Variants in TTLL4 observed in about 807,000 individuals in gnomAD.
TTLL4 encodes tubulin tyrosine ligase like 4, also known as tubulin monoglutamylase TTLL4.
TTLL4 carries 85 observed loss-of-function variants against 122.7 expected under a neutral mutation model. The observed-to-expected ratio is 0.69, with a 90% confidence interval of 0.58 to 0.83. The LOEUF (loss-of-function observed/expected upper bound fraction) is 0.83, where lower values mean the gene tolerates loss of function less well. Among genes scored for constraint, TTLL4 ranks in the 40% least tolerant of loss-of-function variants. The pLI, the probability that TTLL4 is intolerant of heterozygous loss-of-function variation, is 0.00. For missense variants in TTLL4, 1,363 were observed against 1,488.6 expected, an observed-to-expected ratio of 0.92 and a Z score of 1.39; for synonymous variants, 553 against 563.0, an observed-to-expected ratio of 0.98 and a Z score of 0.25.
intron 5 of TTLL4, among the ~76,000 whole-genome samples, chr2:218,743,489 G>A (rs1942757979): frequency 6.6e-6 from 1 of 152,120 alleles, no homozygotes; most frequent in African/African-American, 2.4e-5. Flanking sequence ...TGGCTGTTAT[G>A]AATAAAGCTG....
chr2:218,711,776 T>C (rs1253070105), intron 1 of TTLL4, among the ~76,000 whole-genome samples: 1 of 151,704 alleles, frequency 6.6e-6, no homozygotes, highest in Non-Finnish European at 1.5e-5. Context: ...AACGACATTA[T>C]TGCCATTCCT....
intron 1 of TTLL4, among the ~76,000 whole-genome samples, chr2:218,720,580 G>A (rs1425728428): frequency 3.3e-5 from 5 of 151,668 alleles, no homozygotes; most frequent in Non-Finnish European, 5.9e-5. Flanking sequence ...AGGCTGAGGC[G>A]GGAGAATTGC....
chr2:218,722,033 G>C (rs1340958464), intron 1 of TTLL4, among the ~76,000 whole-genome samples: 1 of 152,080 alleles, frequency 6.6e-6, no homozygotes, highest in African/African-American at 2.4e-5. Context: ...TGCAGTCCCA[G>C]CACTTTGGGA....
chr2:218,724,383 A>G (rs933740033), intron 1 of TTLL4, among the ~76,000 whole-genome samples: 1 of 152,156 alleles, frequency 6.6e-6, no homozygotes, highest in African/African-American at 2.4e-5. Context: ...GACTCAAGCA[A>G]ATGGACTTAC....
chr2:218,753,605 C>T lies in TTLL4; in HGVS notation c.3280C>T (p.Leu1094=). The part of the protein sequence containing the change: ...APVWSLPTSL[L]TISKDDVILN... ...TTAGTGGTCTCTCCCGACATCACTT[C>T]TGACTATCTCAAAGGATGACGTGAT... The change falls in exon 19 of 20, where the codon CTG becomes TTG. Residue 1094 remains leucine, a synonymous_variant. Transcript: ENST00000392102. 6.2e-7 allele frequency: 1 copy of T among 1,614,194 alleles called. No homozygotes were observed. The highest frequency in any genetic ancestry group is 2.2e-5 in the East Asian group (1 of 44,878).
chr2:218,754,195 A>G lies in TTLL4; in HGVS notation c.3406A>G (p.Lys1136Glu), dbSNP rs763966094. 3 of 1,614,038 alleles carry G rather than the reference A, an allele frequency of 1.9e-6. No homozygotes were observed. The highest frequency in any genetic ancestry group is 1.3e-5 in the African/African-American group (1 of 74,910). ...LSEDGTTPKS[K>E]KTQAGLSPYP... Reference sequence around the variant, plus strand: ...TGAAGACGGGACCACGCCCAAATCCAAGAAGACTCAAGCTGGCCTTTCCCC... The same window carrying G: ...TGAAGACGGGACCACGCCCAAATCCGAGAAGACTCAAGCTGGCCTTTCCCC... Residue 1136 changes from lysine to glutamate, a missense_variant, in exon 20 of 20, where the codon AAG (lysine) becomes GAG (glutamate). Physicochemically the swap from Lys to Glu is moderately conservative, Grantham distance 56. Coordinates refer to ENST00000392102, the MANE Select transcript of TTLL4 (RefSeq NM_014640.5).
intron 2 of TTLL4, among the ~76,000 whole-genome samples, chr2:218,735,363 C>G (rs543044406): frequency 7.9e-5 from 12 of 152,048 alleles, no homozygotes; most frequent in African/African-American, 2.9e-4. Context: ...GGAGTCGAGA[C>G]CAGCCTGGGC....
chr2:218,743,026 C>T (rs1942744933), intron 5 of TTLL4, among the ~76,000 whole-genome samples: 1 of 152,032 alleles, frequency 6.6e-6, no homozygotes, highest in African/African-American at 2.4e-5. Flanking sequence ...CGCCTATAAT[C>T]CCAGCTACTC....
chr2:218,738,128 A>G lies in TTLL4; in HGVS notation c.452A>G (p.Lys151Arg). ...AAAAGCCCTTTTTCTCTCCCTCAAA[A>G]GAGCCTCCCTGTCAGTCTCACTGCC... Reference protein sequence around the residue: ...SEKSPFSLPQKSLPVSLTANK... With the variant: ...SEKSPFSLPQRSLPVSLTANK... Residue 151 changes from lysine to arginine, a missense_variant, in exon 3 of 20, where the codon AAG becomes AGG. This residue lies in a region of TTLL4 where 760 missense variants were observed against 808.4 expected (regional missense o/e 0.94). Coordinates refer to ENST00000392102, the MANE Select transcript of TTLL4 (RefSeq NM_014640.5). The G allele has an allele frequency of 6.2e-7, 1 of 1,614,018 alleles. No homozygotes were observed. Among genetic ancestry groups the G allele is most frequent in the Non-Finnish European group, 8.5e-7 (1 of 1,180,000 alleles).
intron 2 of TTLL4, among the ~76,000 whole-genome samples, chr2:218,731,340 G>A (rs1333158018): frequency 6.6e-6 from 1 of 151,884 alleles, no homozygotes. Context: ...GAACCCGGGA[G>A]GCAGAGGTTG....
At chr2:218,748,529 C>A in intron 12 of TTLL4, 1 of 436,016 alleles carries the variant, frequency 2.3e-6, no homozygotes, top group Non-Finnish European at 4.1e-6. Context: ...GTGGCAGGCG[C>A]CTACAATCCC....
chr2:218,758,439 A>C (rs1370283659), downstream of TTLL4, among the ~76,000 whole-genome samples: 1 of 152,226 alleles, frequency 6.6e-6, no homozygotes, highest in Non-Finnish European at 1.5e-5. Flanking sequence ...AAACAGACCA[A>C]AACTACCACC....
Position 218,738,271 on chromosome 2 carries a change from T to C in TTLL4, c.595T>C (p.Ser199Pro), listed in dbSNP as rs138210504. 84 of 1,614,110 alleles carry C rather than the reference T, an allele frequency of 5.2e-5. No homozygotes were observed. The African/African-American group carries it at 1.0e-3, about 19-fold the overall frequency. The change falls in exon 3 of 20, where the codon TCT (serine) becomes CCT (proline). Residue 199 changes from serine to proline, a missense_variant. Around this residue, in one of 3 missense-constraint regions of TTLL4, gnomAD observed 760 missense variants for 808.4 expected, o/e 0.94. Coordinates refer to ENST00000392102, the MANE Select transcript of TTLL4 (RefSeq NM_014640.5). ...AAACCCTTCAGGGAAGAGCCTGGCC[T>C]CTGCCATCTCAGGGAAGATCCCATC... ...GENPSGKSLA[S>P]AISGKIPSPL...
Position 218,738,195 on chromosome 2 carries a change from C to T in TTLL4, c.519C>T (p.Pro173=), listed in dbSNP as rs370623341. 2 of 1,613,998 alleles carry T rather than the reference C, an allele frequency of 1.2e-6. No individual in the cohort carries two copies. Among genetic ancestry groups the T allele is most frequent in the East Asian group, 2.2e-5 (1 of 44,874 alleles). The change falls in exon 3 of 20, where the codon CCC becomes CCT. Residue 173 remains proline, a synonymous_variant. Coordinates refer to ENST00000392102, the MANE Select transcript of TTLL4 (RefSeq NM_014640.5). The stretch of plus-strand genomic sequence containing the variant: ...CCATGGTCTTCTCCATGGCCCAGCC[C>T]ATGGCCTCCTCATCCACAGAACCAT... The part of the protein sequence containing the change: ...TSSMVFSMAQ[P]MASSSTEPYL...
chr2:218,749,932 T>C, intron 14 of TTLL4, 77 bp from the exon 15 acceptor site: 1 of 1,550,098 alleles, frequency 6.5e-7, no homozygotes, highest in Non-Finnish European at 8.7e-7. Flanking sequence ...TAAATGAGAC[T>C]AGCCCTGAGT....
Position 218,739,174 on chromosome 2 carries a change from A to G in TTLL4, c.1487+11A>G. On this transcript the variant is annotated intron_variant, in intron 3 of 19. Coordinates refer to ENST00000392102, the MANE Select transcript of TTLL4 (RefSeq NM_014640.5). ...TGATAGGGATATTAGGTATGTTGGC[A>G]ATGTTTTTGGTTCATTTAGAGCAGT... is the stretch of plus-strand genomic sequence containing the variant. 1 of 1,604,230 alleles carries G rather than the reference A, an allele frequency of 6.2e-7. No individual in the cohort carries two copies. The highest frequency in any genetic ancestry group is 8.5e-7 in the Non-Finnish European group (1 of 1,176,904).
intron 1 of TTLL4, among the ~76,000 whole-genome samples, chr2:218,712,421 C>T (rs1316626943): frequency 3.3e-5 from 5 of 150,924 alleles, no homozygotes; most frequent in African/African-American, 1.2e-4. Flanking sequence ...GAGTCTTGCT[C>T]CGTCACCCAG....
chr2:218,731,072 G>T (rs116166188), intron 2 of TTLL4, among the ~76,000 whole-genome samples: 3 of 151,488 alleles, frequency 2.0e-5, no homozygotes, highest in Non-Finnish European at 4.4e-5. Flanking sequence ...TGACTACACC[G>T]CTGCACTCCA....
At chr2:218,758,304 G>A (rs1396147727), downstream of TTLL4, among the ~76,000 whole-genome samples, 2 of 152,134 alleles carry the variant, frequency 1.3e-5, no homozygotes, top group African/African-American at 2.4e-5. Flanking sequence ...AGATATTTAA[G>A]TTTCAGTTAG....
Sources: gnomAD v4.1 joint callset for allele counts (sites outside exome capture counted in the v4.1 genomes callset) on GRCh38, gnomAD v4.1.1 for gene constraint, gnomAD v4.1.1 regional missense constraint, MANE v1.5 for transcripts, NCBI Gene and HGNC (gene_info 2026-07-23, HGNC 2026-07-21) for gene names.